The following GYPC variants were observed in gnomAD, a reference collection of about 807,000 sequenced individuals.
The protein encoded by GYPC is glycophorin-C.
Under a neutral mutation model 12.6 loss-of-function variants are expected in GYPC, and 14 were observed. That is an observed-to-expected ratio of 1.11 (90% CI 0.74 to 1.74). The LOEUF (loss-of-function observed/expected upper bound fraction) is 1.74, where lower values mean the gene tolerates loss of function less well. Ranked by LOEUF, GYPC falls within the 40% of genes most tolerant of loss-of-function variation. The pLI, the probability that GYPC is intolerant of heterozygous loss-of-function variation, is 0.00. For synonymous variants in GYPC, 78 were observed against 62.1 expected (o/e 1.26, Z -1.20); for missense variants, 225 against 172.1 (o/e 1.31, Z -1.72).
intron 1 of GYPC, among the ~76,000 whole-genome samples, chr2:126,666,692 C>A (rs1682687685): frequency 1.3e-5 from 2 of 148,994 alleles, no homozygotes; most frequent in Admixed American, 1.3e-4. Context: ...TCTCCTGCCC[C>A]CCTCCCCTCC....
intron 1 of GYPC, among the ~76,000 whole-genome samples, chr2:126,676,736 A>G (rs1053813373): frequency 2.0e-5 from 3 of 152,116 alleles, no homozygotes; most frequent in Non-Finnish European, 4.4e-5. Flanking sequence ...TTGCTAGAAA[A>G]ACACTGGGAA....
In GYPC at chr2:126,694,382, C is replaced by A. The variant is rs571078238; in HGVS notation, c.190+435C>A. ...GATCCTGCCTTTGCCTTGCTTTGAA[C>A]CCTGGGCAAGGGGCTCCCCATGGGT... On this transcript the variant is annotated intron_variant, in intron 3 of 3. Transcript: ENST00000259254. Among the ~76,000 whole-genome samples, 7 of 152,234 alleles carry A rather than the reference C, an allele frequency of 4.6e-5. No individual in the cohort carries two copies. The East Asian group carries it at 1.2e-3, about 25-fold the overall frequency.
intron 1 of GYPC, among the ~76,000 whole-genome samples, chr2:126,662,828 C>CT (rs1380940125): frequency 6.6e-6 from 1 of 152,112 alleles, no homozygotes; most frequent in Non-Finnish European, 1.5e-5. Context: ...TGCTTAATTG[C>CT]TTCCGCTCAC....
intron 1 of GYPC, among the ~76,000 whole-genome samples, chr2:126,685,467 C>T (rs536887645): frequency 6.6e-6 from 1 of 152,150 alleles, no homozygotes; most frequent in South Asian, 2.1e-4. Context: ...TCACTACAAC[C>T]TCCACCTCCC....
intron 1 of GYPC, among the ~76,000 whole-genome samples, chr2:126,659,180 T>C (rs1202857243): frequency 6.6e-6 from 1 of 152,184 alleles, no homozygotes; most frequent in African/African-American, 2.4e-5. Context: ...CGCTGTCACT[T>C]TGGAATGAGC....
At chr2:126,669,226 A>T (rs918001460) in intron 1 of GYPC, among the ~76,000 whole-genome samples, 1 of 152,200 alleles carries the variant, frequency 6.6e-6, no homozygotes, top group African/African-American at 2.4e-5. Context: ...ACGAAGCAGG[A>T]AGAACAGTGC....
intron 1 of GYPC, among the ~76,000 whole-genome samples, chr2:126,664,242 A>G (rs761930660): frequency 1.3e-5 from 2 of 151,574 alleles, no homozygotes; most frequent in Non-Finnish European, 2.9e-5. Context: ...TCTTTACACT[A>G]TCCTGAGCCA....
At chr2:126,662,748 T>C (rs1041710191) in intron 1 of GYPC, among the ~76,000 whole-genome samples, 2 of 152,220 alleles carry the variant, frequency 1.3e-5, no homozygotes, top group African/African-American at 4.8e-5. Flanking sequence ...CTCAGGGCTT[T>C]GTTCGGAGGA....
At chr2:126,681,573 G>A (rs911153482) in intron 1 of GYPC, among the ~76,000 whole-genome samples, 1 of 152,034 alleles carries the variant, frequency 6.6e-6, no homozygotes, top group Non-Finnish European at 1.5e-5. Context: ...CTTGTTTCTA[G>A]GAATCCCACT....
At chr2:126,667,747 G>A (rs1203595502) in intron 1 of GYPC, among the ~76,000 whole-genome samples, 3 of 151,766 alleles carry the variant, frequency 2.0e-5, no homozygotes, top group African/African-American at 7.3e-5. Flanking sequence ...GACCTCTTGT[G>A]TAGCAGGTGA....
chr2:126,675,134 G>A (rs1682960802), intron 1 of GYPC, among the ~76,000 whole-genome samples: 1 of 151,870 alleles, frequency 6.6e-6, no homozygotes. Flanking sequence ...GCCCTACCAG[G>A]CCCCGCCACA....
intron 3 of GYPC, among the ~76,000 whole-genome samples, chr2:126,695,302 G>A (rs931353435): frequency 2.0e-5 from 3 of 152,128 alleles, no homozygotes; most frequent in South Asian, 2.1e-4. Context: ...TGATTCTAAC[G>A]TGTCTGCAGA....
chr2:126,669,477 G>A (rs889613285), intron 1 of GYPC, among the ~76,000 whole-genome samples: 4 of 152,150 alleles, frequency 2.6e-5, no homozygotes, highest in African/African-American at 7.2e-5. Context: ...AGGAAGAACA[G>A]AGTATCCTCT....
intron 3 of GYPC, 34 bp from the exon 4 acceptor site, chr2:126,695,898 CCAGAGCCCCTGCCT>C (rs757930355): frequency 6.6e-7 from 1 of 1,511,306 alleles, no homozygotes; most frequent in South Asian, 1.1e-5. Context: ...ATCCCAGGCC[CCAGAGCCCCTGCCT>C]CAGACTGACC....
chr2:126,659,784 T>TC (rs1288058969), intron 1 of GYPC, among the ~76,000 whole-genome samples: 1 of 148,432 alleles, frequency 6.7e-6, no homozygotes, highest in African/African-American at 2.5e-5. Flanking sequence ...TCTTTTCTTT[T>TC]TTTTTTTTTT....
intron 1 of GYPC, among the ~76,000 whole-genome samples, chr2:126,661,123 G>A (rs1682523351): frequency 6.6e-6 from 1 of 152,230 alleles, no homozygotes; most frequent in Admixed American, 6.5e-5. Flanking sequence ...GGCAGAGCCA[G>A]GCCGGCGACA....
chr2:126,682,871 A>G (rs1441372809), intron 1 of GYPC, among the ~76,000 whole-genome samples: 3 of 152,128 alleles, frequency 2.0e-5, no homozygotes, highest in Non-Finnish European at 2.9e-5. Context: ...GGAGCTTCCC[A>G]GACGTAAGAG....
intron 1 of GYPC, among the ~76,000 whole-genome samples, chr2:126,667,033 C>T (rs1018340356): frequency 2.6e-5 from 4 of 152,232 alleles, no homozygotes; most frequent in African/African-American, 9.7e-5. Context: ...TTTTAGGACT[C>T]TGTTCCCACT....
intron 1 of GYPC, among the ~76,000 whole-genome samples, chr2:126,669,785 A>C (rs891678877): frequency 6.6e-6 from 1 of 151,920 alleles, no homozygotes; most frequent in African/African-American, 2.4e-5. Context: ...TTTCCCGCTC[A>C]TGGGCACTTC....
Sources: gnomAD v4.1 joint callset for allele counts (sites outside exome capture counted in the v4.1 genomes callset) on GRCh38, gnomAD v4.1.1 for gene constraint, MANE v1.5 for transcripts, NCBI Gene and HGNC (gene_info 2026-07-23, HGNC 2026-07-21) for gene names.